NSMCE1: variants seen among roughly 807,000 people sequenced by gnomAD.
NSMCE1 encodes non-structural maintenance of chromosomes element 1 homolog.
NSMCE1 carries 18 observed loss-of-function variants against 29.6 expected under a neutral mutation model. That is an observed-to-expected ratio of 0.61 (90% CI 0.42 to 0.90). The LOEUF (loss-of-function observed/expected upper bound fraction) is 0.90, where lower values mean the gene tolerates loss of function less well. Ranked by LOEUF, NSMCE1 falls within the 40% of genes least tolerant of loss-of-function variation. NSMCE1 has a pLI of 0.00. For missense variants in NSMCE1, 314 were observed against 343.6 expected (o/e 0.91, Z 0.68); for synonymous variants, 124 against 133.4 (o/e 0.93, Z 0.49).
chr16:27,227,516 C>T (rs963326547), intron 5 of NSMCE1, among the ~76,000 whole-genome samples: 2 of 152,164 alleles, frequency 1.3e-5, no homozygotes, highest in Non-Finnish European at 2.9e-5. Flanking sequence ...CAATGCAGCT[C>T]CCCAGGCCGA....
At chr16:27,262,924 G>A (rs896432977) in intron 1 of NSMCE1, among the ~76,000 whole-genome samples, 6 of 152,042 alleles carry the variant, frequency 3.9e-5, no homozygotes, top group African/African-American at 1.4e-4. Context: ...CATACATGTG[G>A]TCAACAAGCA....
chr16:27,251,169 T>TATATATATATATATATATAAATATAA (rs2084025895), intron 2 of NSMCE1, among the ~76,000 whole-genome samples: 2 of 52,608 alleles, frequency 3.8e-5, no homozygotes, highest in African/African-American at 4.1e-4. Flanking sequence ...AATATATATA[T>TATATATATATATATATATAAATATAA]ATATATATAT....
At chr16:27,268,211 G>A (rs1210959022) in intron 1 of NSMCE1, 2 of 151,984 alleles carry the variant, frequency 1.3e-5, no homozygotes, top group Non-Finnish European at 2.9e-5. Context: ...CTGGCCTCGG[G>A]GCTGTAACAT....
chr16:27,226,417 C>A (rs1024665186), intron 6 of NSMCE1: 15 of 353,404 alleles, frequency 4.2e-5, no homozygotes, highest in Non-Finnish European at 6.2e-5. Flanking sequence ...ACACTCACTA[C>A]AAAACTACCA....
chr16:27,261,060 G>A (rs1460702668), intron 1 of NSMCE1, among the ~76,000 whole-genome samples: 3 of 150,580 alleles, frequency 2.0e-5, no homozygotes, highest in African/African-American at 4.9e-5. Flanking sequence ...CCAACTACTC[G>A]GGAGGCTGAG....
intron 2 of NSMCE1, chr16:27,241,916 TC>T: frequency 2.3e-6 from 1 of 432,462 alleles, no homozygotes; most frequent in Non-Finnish European, 4.7e-6. Context: ...AGCGACAAAG[TC>T]TAGACCAGAA....
intron 7 of NSMCE1, among the ~76,000 whole-genome samples, 200 bp downstream of exon 7, chr16:27,225,526 G>C (rs1230776570): frequency 6.6e-6 from 1 of 152,254 alleles, no homozygotes; most frequent in African/African-American, 2.4e-5. Flanking sequence ...TTTCAGCTGG[G>C]TTCTAGAAAG....
chr16:27,252,920 A>AAAAAAT (rs1477650774), intron 2 of NSMCE1, among the ~76,000 whole-genome samples: 2 of 152,292 alleles, frequency 1.3e-5, no homozygotes, highest in Admixed American at 6.5e-5. Context: ...ACTGTCTCAA[A>AAAAAAT]AAAAATAAAA....
intron 1 of NSMCE1, among the ~76,000 whole-genome samples, chr16:27,260,587 A>G (rs986053748): frequency 7.9e-5 from 12 of 152,200 alleles, no homozygotes; most frequent in Admixed American, 2.0e-4. Flanking sequence ...TATCAAATTA[A>G]TAATGAATAA....
At chr16:27,246,159 A>G (rs1412941034) in intron 2 of NSMCE1, among the ~76,000 whole-genome samples, 2 of 152,226 alleles carry the variant, frequency 1.3e-5, no homozygotes, top group South Asian at 2.1e-4. Flanking sequence ...CAACGTGACC[A>G]TGATACTTGA....
intron 2 of NSMCE1, among the ~76,000 whole-genome samples, chr16:27,251,207 T>TATA (rs1555477430): frequency 1.3e-4 from 9 of 70,762 alleles, no homozygotes; most frequent in South Asian, 5.5e-4. Context: ...TATATATATA[T>TATA]AAAACTCTGT....
intron 2 of NSMCE1, among the ~76,000 whole-genome samples, chr16:27,244,754 A>G (rs1371960428): frequency 6.6e-6 from 1 of 152,164 alleles, no homozygotes; most frequent in Non-Finnish European, 1.5e-5. Flanking sequence ...ACCCCAAACT[A>G]CCACACTGTC....
At chr16:27,255,955 G>A (rs1166118811) in intron 2 of NSMCE1, among the ~76,000 whole-genome samples, 1 of 152,232 alleles carries the variant, frequency 6.6e-6, no homozygotes, top group Non-Finnish European at 1.5e-5. Flanking sequence ...ATGCACTCAT[G>A]AAGTGTTTGC....
chr16:27,240,824 G>A (rs934722733), intron 2 of NSMCE1, among the ~76,000 whole-genome samples: 1 of 152,194 alleles, frequency 6.6e-6, no homozygotes, highest in East Asian at 1.9e-4. Context: ...TGTAATCACA[G>A]TACTTTGGAA....
At chr16:27,257,343 C>T (rs964214693) in intron 2 of NSMCE1, 92 bp downstream of exon 2, 12 of 1,091,310 alleles carry the variant, frequency 1.1e-5, no homozygotes, top group African/African-American at 3.2e-5. Flanking sequence ...TCAGGAGTAC[C>T]GGTTAACAAG....
At chr16:27,234,742 G>A (rs1339526303) in intron 3 of NSMCE1, among the ~76,000 whole-genome samples, 1 of 152,232 alleles carries the variant, frequency 6.6e-6, no homozygotes, top group Non-Finnish European at 1.5e-5. Flanking sequence ...CCTCTGACCA[G>A]CTGAGGTGTC....
At position 27,232,787 on chromosome 16, in the gene NSMCE1, T is replaced by C. The variant is rs141050310; in HGVS notation, c.483+214A>G. Among the ~76,000 whole-genome samples, 1,476 of 152,346 alleles carry C rather than the reference T, an allele frequency of 9.7e-3. 23 individuals carry two copies. The highest frequency in any genetic ancestry group is 0.034 in the African/African-American group (1,429 of 41,572). On this transcript the variant is annotated intron_variant, in intron 5 of 7. Transcript: ENST00000361439. This position sits in a 1 kb window ranked among gnomAD's most constrained non-coding sequence, Gnocchi z 4.5. ...CTCTGCCATTCTGGCTGTGGCATCC[T>C]GAACACATCATCTGGGTGAACGGGG...
intron 7 of NSMCE1, 103 bp downstream of exon 7, chr16:27,225,623 A>C: frequency 1.4e-6 from 2 of 1,389,052 alleles, no homozygotes; most frequent in Non-Finnish European, 2.0e-6. Flanking sequence ...ACCCCCACAC[A>C]CCCTGGAGCC....
chr16:27,254,980 A>C (rs1297804591), intron 2 of NSMCE1, among the ~76,000 whole-genome samples: 1 of 146,370 alleles, frequency 6.8e-6, no homozygotes, highest in African/African-American at 2.6e-5. Flanking sequence ...CCCAGGTTCA[A>C]GCAATTATCC....
Sources: gnomAD v4.1 joint callset for allele counts (sites outside exome capture counted in the v4.1 genomes callset) on GRCh38, gnomAD v4.1.1 for gene constraint, Gnocchi (gnomAD v3.1) non-coding constraint, MANE v1.5 for transcripts, NCBI Gene and HGNC (gene_info 2026-07-23, HGNC 2026-07-21) for gene names.